RALGAPA2: variants seen among roughly 807,000 people sequenced by gnomAD.
RALGAPA2 encodes the protein ral GTPase-activating protein subunit alpha-2.
Under a neutral mutation model 230.4 loss-of-function variants are expected in RALGAPA2, and 139 were observed. The ratio of observed to expected loss-of-function variants is 0.60; its 90% CI spans 0.53 to 0.69. The LOEUF (loss-of-function observed/expected upper bound fraction) is 0.69, where lower values mean the gene tolerates loss of function less well. RALGAPA2 is among the 30% of genes least tolerant of loss of function. RALGAPA2 has a pLI of 0.00. For synonymous variants in RALGAPA2, 847 were observed against 837.8 expected (o/e 1.01, Z -0.19); for missense variants, 2,163 against 2,276.0 (o/e 0.95, Z 1.01).
intron 37 of RALGAPA2, among the ~76,000 whole-genome samples, chr20:20,438,170 A>T (rs1470253844): frequency 6.6e-6 from 1 of 152,232 alleles, no homozygotes; most frequent in Non-Finnish European, 1.5e-5. Flanking sequence ...TACCACAGTG[A>T]TACTACCTGT....
chr20:20,514,973 C>T (rs1050618384), intron 31 of RALGAPA2, among the ~76,000 whole-genome samples: 3 of 152,222 alleles, frequency 2.0e-5, no homozygotes, highest in Non-Finnish European at 4.4e-5. Flanking sequence ...CTGATCGCTG[C>T]CCACTGGATT....
At chr20:20,657,213 G>C (rs918712132) in intron 3 of RALGAPA2, among the ~76,000 whole-genome samples, 2 of 152,240 alleles carry the variant, frequency 1.3e-5, no homozygotes, top group African/African-American at 4.8e-5. Flanking sequence ...CCACGAGGCA[G>C]AGCTGACAAA....
At chr20:20,538,529 C>T (rs1468163130) in intron 24 of RALGAPA2, among the ~76,000 whole-genome samples, 6 of 152,178 alleles carry the variant, frequency 3.9e-5, no homozygotes, top group Admixed American at 2.6e-4. Context: ...TGGCTAAGCA[C>T]AATTAAACAA....
chr20:20,588,374 T>C (rs1454317952), intron 18 of RALGAPA2, among the ~76,000 whole-genome samples: 1 of 152,192 alleles, frequency 6.6e-6, no homozygotes. Flanking sequence ...CAATACTTTA[T>C]TAAAAAATTC....
chr20:20,642,781 A>G (rs190002543), intron 5 of RALGAPA2, among the ~76,000 whole-genome samples: 2 of 152,314 alleles, frequency 1.3e-5, no homozygotes, highest in African/African-American at 4.8e-5. Flanking sequence ...TAGTTAACAT[A>G]TCAAGTTTTC....
At chr20:20,578,930 CCCCAG>C (rs2064901149) in intron 20 of RALGAPA2, among the ~76,000 whole-genome samples, 1 of 152,180 alleles carries the variant, frequency 6.6e-6, no homozygotes, top group Admixed American at 6.6e-5. Context: ...GCTACCAATG[CCCCAG>C]TAGCTATCAT....
At chr20:20,409,819 T>A (rs1273487810) in intron 38 of RALGAPA2, among the ~76,000 whole-genome samples, 1 of 152,192 alleles carries the variant, frequency 6.6e-6, no homozygotes, top group Non-Finnish European at 1.5e-5. Context: ...TCAGTTCAAA[T>A]CAAGATTATA....
At chr20:20,672,843 A>T (rs558092445) in intron 3 of RALGAPA2, among the ~76,000 whole-genome samples, 2 of 152,354 alleles carry the variant, frequency 1.3e-5, no homozygotes, top group South Asian at 4.1e-4. Flanking sequence ...AGAAATCTTC[A>T]ACTAGATATT....
chr20:20,650,398 T>C (rs373199581), intron 4 of RALGAPA2, among the ~76,000 whole-genome samples: 26 of 152,208 alleles, frequency 1.7e-4, no homozygotes, highest in African/African-American at 4.8e-4. Flanking sequence ...TCGAGACTCA[T>C]AGAATACAGC....
At position 20,698,570 on chromosome 20, in the gene RALGAPA2, AG is replaced by A. The variant is rs2069217749; in HGVS notation, c.106+13804del. Among the ~76,000 whole-genome samples the A allele has an allele frequency of 4.6e-5, 7 of 152,106 alleles. No homozygotes were observed. The South Asian group carries it at 1.5e-3, about 32-fold the overall frequency. On this transcript the variant is annotated intron_variant, in intron 1 of 39. Transcript: ENST00000202677. ...ACGCCTGACTTATTTTTGTATTTTT[AG>A]TAGAGTATTTTGTATTTTTAGTTTT...
At chr20:20,420,776 G>C (rs1231580640) in intron 37 of RALGAPA2, among the ~76,000 whole-genome samples, 1 of 152,172 alleles carries the variant, frequency 6.6e-6, no homozygotes, top group African/African-American at 2.4e-5. Context: ...ACCCTGTTTC[G>C]AATGTGTGAA....
chr20:20,494,942 G>GA (rs1345340050), intron 36 of RALGAPA2, among the ~76,000 whole-genome samples, 175 bp downstream of exon 36: 1 of 152,112 alleles, frequency 6.6e-6, no homozygotes, highest in Non-Finnish European at 1.5e-5. Flanking sequence ...AAAATTCTTT[G>GA]AAAATCCCAA....
At chr20:20,490,865 C>A (rs894655311) in intron 36 of RALGAPA2, among the ~76,000 whole-genome samples, 3 of 147,966 alleles carry the variant, frequency 2.0e-5, no homozygotes, top group African/African-American at 7.6e-5. Context: ...CACATGAACA[C>A]ACACACACAC....
chr20:20,625,298 A>T (rs2066458209), intron 10 of RALGAPA2, among the ~76,000 whole-genome samples: 1 of 152,202 alleles, frequency 6.6e-6, no homozygotes, highest in African/African-American at 2.4e-5. Flanking sequence ...GCCAGGCCCC[A>T]GCCATATATA....
chr20:20,555,544 A>G (rs1039811438), intron 23 of RALGAPA2, among the ~76,000 whole-genome samples: 1 of 152,172 alleles, frequency 6.6e-6, no homozygotes, highest in Admixed American at 6.5e-5. Flanking sequence ...AAGTCTTCTG[A>G]TCCACGGATA....
intron 23 of RALGAPA2, among the ~76,000 whole-genome samples, chr20:20,551,111 G>C (rs537544071): frequency 6.6e-6 from 1 of 152,246 alleles, no homozygotes; most frequent in South Asian, 2.1e-4. Context: ...AATACTGAAA[G>C]AAAAACAGGA....
At chr20:20,502,594 C>A (rs2062408830) in intron 35 of RALGAPA2, among the ~76,000 whole-genome samples, 1 of 152,210 alleles carries the variant, frequency 6.6e-6, no homozygotes, top group South Asian at 2.1e-4. Flanking sequence ...CTGGCTATAA[C>A]CACCACAGTA....
At chr20:20,612,336 G>A (rs2066000416) in intron 13 of RALGAPA2, among the ~76,000 whole-genome samples, 1 of 152,132 alleles carries the variant, frequency 6.6e-6, no homozygotes, top group South Asian at 2.1e-4. Context: ...GGTTTCACAT[G>A]CTAACCATTC....
At chr20:20,536,232 C>A (rs972158991) in intron 25 of RALGAPA2, among the ~76,000 whole-genome samples, 3 of 152,158 alleles carry the variant, frequency 2.0e-5, no homozygotes, top group Admixed American at 1.3e-4. Flanking sequence ...CTTTTATTCT[C>A]CAATAAATAA....
Sources: allele counts gnomAD v4.1 joint callset (sites outside exome capture counted in the v4.1 genomes callset), GRCh38; gene constraint gnomAD v4.1.1; transcripts MANE v1.5; gene names NCBI Gene and HGNC (gene_info 2026-07-23, HGNC 2026-07-21).